The following CDC42BPA variants were observed in gnomAD, a reference collection of about 807,000 sequenced individuals.
CDC42BPA encodes the protein CDC42 binding protein kinase alpha.
In CDC42BPA, 80 loss-of-function variants were observed where a neutral mutation model predicts 223.5. The ratio of observed to expected loss-of-function variants is 0.36; its 90% CI spans 0.30 to 0.43. The LOEUF (loss-of-function observed/expected upper bound fraction) is 0.43, where lower values mean the gene tolerates loss of function less well. Among genes scored for constraint, CDC42BPA ranks in the 20% least tolerant of loss-of-function variants. The pLI is 1.00. For synonymous variants in CDC42BPA, 694 were observed against 718.6 expected (o/e 0.97, Z 0.55); for missense variants, 1,743 against 2,099.9 (o/e 0.83, Z 3.32).
intron 21 of CDC42BPA, chr1:227,059,248 C>G: frequency 1.3e-6 from 1 of 769,490 alleles, no homozygotes; most frequent in Admixed American, 2.5e-5. Context: ...AGCAGCAGCA[C>G]AAAGCATGCA....
At chr1:227,166,530 T>A (rs895565583) in intron 5 of CDC42BPA, among the ~76,000 whole-genome samples, 12 of 152,308 alleles carry the variant, frequency 7.9e-5, no homozygotes, top group Middle Eastern at 6.8e-3. Context: ...AAGAAAACAT[T>A]TGACCAAGAC....
At chr1:227,096,365 TTAAAAA>T (rs1331447364) in intron 15 of CDC42BPA, among the ~76,000 whole-genome samples, 1 of 152,186 alleles carries the variant, frequency 6.6e-6, no homozygotes, top group Non-Finnish European at 1.5e-5. Flanking sequence ...CTCTTCCATA[TTAAAAA>T]TAAAGAAACT....
chr1:227,175,640 C>CTAT (rs1666823212), intron 5 of CDC42BPA, among the ~76,000 whole-genome samples: 1 of 152,052 alleles, frequency 6.6e-6, no homozygotes, highest in Non-Finnish European at 1.5e-5. Context: ...CTATTTCTTT[C>CTAT]TATTATTATC....
intron 5 of CDC42BPA, among the ~76,000 whole-genome samples, chr1:227,170,570 A>C (rs545273835): frequency 3.3e-5 from 5 of 152,276 alleles, no homozygotes; most frequent in Admixed American, 3.3e-4. Context: ...GCTTTGCCCC[A>C]GATGTCAACA....
intron 1 of CDC42BPA, among the ~76,000 whole-genome samples, chr1:227,287,896 A>C (rs1422321829): frequency 6.6e-6 from 1 of 152,200 alleles, no homozygotes; most frequent in Non-Finnish European, 1.5e-5. Flanking sequence ...TCTCTGGCAG[A>C]CAATACTTCA....
intron 14 of CDC42BPA, among the ~76,000 whole-genome samples, chr1:227,103,265 G>A (rs1377517115): frequency 6.6e-6 from 1 of 152,012 alleles, no homozygotes; most frequent in Non-Finnish European, 1.5e-5. Flanking sequence ...TGTTAGAATT[G>A]ATAGTTGAGT....
In CDC42BPA at chr1:227,026,107, T is replaced by C. The variant is rs1358783653; in HGVS notation, c.4478A>G (p.Asp1493Gly). 1.2e-6 allele frequency: 2 copies of C among 1,608,890 alleles called. No homozygotes were observed. The highest frequency in any genetic ancestry group is 4.5e-5 in the East Asian group (2 of 44,758). The part of the protein sequence containing the change: ...YLSVYSENAV[D>G]IFDVNSMEWI... ...TTCCATGGAGTTCACATCAAAGATATCAACTGCATTTTCACTGTACACCGA... is the reference window on the plus strand; with the variant it reads ...TTCCATGGAGTTCACATCAAAGATACCAACTGCATTTTCACTGTACACCGA... The change falls in exon 31 of 37, where the codon GAT (aspartate) becomes GGT (glycine). Residue 1493 changes from aspartate (D) to glycine (G), a missense_variant. Coordinates refer to ENST00000366766, the MANE Select transcript of CDC42BPA (RefSeq NM_001394014.1).
intron 1 of CDC42BPA, among the ~76,000 whole-genome samples, chr1:227,312,738 T>A (rs145974230): frequency 2.0e-4 from 30 of 152,210 alleles, no homozygotes; most frequent in Non-Finnish European, 4.0e-4. Flanking sequence ...GTAATCCCAG[T>A]GTTGGAGGAG....
At chr1:227,010,699 G>A (rs1436661338) in intron 34 of CDC42BPA, among the ~76,000 whole-genome samples, 1 of 150,896 alleles carries the variant, frequency 6.6e-6, no homozygotes, top group Non-Finnish European at 1.5e-5. Flanking sequence ...AAATAGAAAT[G>A]GGAAAGAAGA....
At position 227,051,904 on chromosome 1, in the gene CDC42BPA, A is replaced by T; in HGVS notation, c.2986T>A (p.Ser996Thr). The change falls in exon 22 of 37, where the codon TCT becomes ACT. Residue 996 changes from serine to threonine, a missense_variant. Ser to Thr is a moderately conservative substitution (Grantham distance 58). Coordinates refer to ENST00000366766, the MANE Select transcript of CDC42BPA (RefSeq NM_001394014.1). ...ACCTTAACTGGCTCAGCTTCACTAGATGTGGAAGGAGATGTGGACCGTGAC... is the reference window on the plus strand; with the variant it reads ...ACCTTAACTGGCTCAGCTTCACTAGTTGTGGAAGGAGATGTGGACCGTGAC... The part of the protein sequence containing the change: ...IQSRSTSPST[S>T]SEAEPVKTVD... 1 of 1,366,258 alleles carries T rather than the reference A, an allele frequency of 7.3e-7. No homozygotes were observed. The highest frequency in any genetic ancestry group is 9.8e-7 in the Non-Finnish European group (1 of 1,021,608). The allele number at this position is 1,366,258 out of a possible 1,614,324, so 84.6% of individuals were successfully genotyped here. A position where few individuals can be genotyped will look rare whatever the true frequency, so the allele number is the denominator to read the frequency against.
chr1:227,065,552 C>T (rs1261570915), intron 21 of CDC42BPA, among the ~76,000 whole-genome samples: 2 of 152,192 alleles, frequency 1.3e-5, no homozygotes, highest in African/African-American at 2.4e-5. Context: ...CATGTTGCTC[C>T]GAACATCTTC....
intron 6 of CDC42BPA, among the ~76,000 whole-genome samples, chr1:227,156,265 A>G (rs551279226): frequency 6.6e-6 from 1 of 152,000 alleles, no homozygotes; most frequent in South Asian, 2.1e-4. Flanking sequence ...CGATCCTCCC[A>G]TCTCATCCTC....
intron 1 of CDC42BPA, among the ~76,000 whole-genome samples, chr1:227,265,395 C>T (rs751105328): frequency 9.9e-5 from 15 of 152,046 alleles, no homozygotes; most frequent in Admixed American, 8.5e-4. Flanking sequence ...AAGTACAGTA[C>T]GTGGGGCATA....
chr1:227,050,471 A>G (rs910983762), intron 22 of CDC42BPA, among the ~76,000 whole-genome samples: 3 of 152,216 alleles, frequency 2.0e-5, no homozygotes, highest in South Asian at 4.1e-4. Context: ...TACATGCCAA[A>G]CAAACTCTGT....
chr1:227,233,186 G>A (rs1356427091), intron 2 of CDC42BPA, among the ~76,000 whole-genome samples: 1 of 152,138 alleles, frequency 6.6e-6, no homozygotes, highest in East Asian at 1.9e-4. Flanking sequence ...TCTTAGAACC[G>A]CTATTTTTTT....
chr1:227,264,608 A>G (rs932086941), intron 1 of CDC42BPA, among the ~76,000 whole-genome samples: 4 of 143,470 alleles, frequency 2.8e-5, no homozygotes, highest in African/African-American at 8.9e-5. Context: ...TTCAAAAAGT[A>G]TAACAATTCA....
At chr1:227,075,550 G>C (rs1285920645) in intron 17 of CDC42BPA, among the ~76,000 whole-genome samples, 1 of 152,108 alleles carries the variant, frequency 6.6e-6, no homozygotes, top group East Asian at 1.9e-4. Flanking sequence ...CTATCTACAT[G>C]TACACATTTT....
chr1:227,129,264 T>C, intron 10 of CDC42BPA, 33 bp from the exon 11 acceptor site: 9 of 1,444,116 alleles, frequency 6.2e-6, no homozygotes, highest in Non-Finnish European at 7.5e-6. Context: ...AATAAAAATA[T>C]CACCATACTC....
At position 227,073,889 on chromosome 1, in the gene CDC42BPA, T is replaced by C; in HGVS notation, c.2710A>G (p.Lys904Glu). ...CATTCTGTTATGATATTAGATGCTT[T>C]AACTTTATTCAACTCTTCTTGGATG... ...QAIQEELNKV[K>E]ASNIITECKL... is the part of the protein sequence containing the mutation. The change falls in exon 19 of 37, where the codon AAA becomes GAA. Residue 904 changes from lysine (K) to glutamate (E), a missense_variant. By Grantham distance (56) the Lys-to-Glu change is moderately conservative. Transcript: ENST00000366766. 1 of 1,604,516 alleles carries C rather than the reference T, an allele frequency of 6.2e-7. No individual in the cohort carries two copies. Among genetic ancestry groups the C allele is most frequent in the Non-Finnish European group, 8.5e-7 (1 of 1,177,156 alleles).
Sources: allele counts gnomAD v4.1 joint callset (sites outside exome capture counted in the v4.1 genomes callset), GRCh38; gene constraint gnomAD v4.1.1; transcripts MANE v1.5; gene names NCBI Gene and HGNC (gene_info 2026-07-23, HGNC 2026-07-21).